The following NEGR1 variants were observed in gnomAD, a reference collection of about 807,000 sequenced individuals.
NEGR1 encodes neuronal growth regulator 1.
In NEGR1, 10 loss-of-function variants were observed where a neutral mutation model predicts 40.9. That is an observed-to-expected ratio of 0.24 (90% CI 0.15 to 0.42). The LOEUF (loss-of-function observed/expected upper bound fraction) is 0.42. Among genes scored for constraint, NEGR1 ranks in the 10% least tolerant of loss-of-function variants. NEGR1 has a pLI of 1.00. For synonymous variants in NEGR1, 185 were observed against 166.8 expected, an observed-to-expected ratio of 1.11 and a Z score of -0.84; for missense variants, 352 against 438.9, an observed-to-expected ratio of 0.80 and a Z score of 1.77.
At chr1:72,175,910 T>A (rs967397840) in intron 1 of NEGR1, among the ~76,000 whole-genome samples, 3 of 152,122 alleles carry the variant, frequency 2.0e-5, no homozygotes, top group African/African-American at 7.2e-5. Context: ...CTATTTTATG[T>A]CAGTGGTTTG....
intron 6 of NEGR1, among the ~76,000 whole-genome samples, chr1:71,560,108 T>C (rs1229202569): frequency 6.6e-6 from 1 of 150,586 alleles, no homozygotes; most frequent in Non-Finnish European, 1.5e-5. Context: ...ATGATGATGA[T>C]GATAACTATA....
chr1:71,854,029 G>A (rs1309650423), intron 2 of NEGR1, among the ~76,000 whole-genome samples: 2 of 152,038 alleles, frequency 1.3e-5, no homozygotes, highest in Non-Finnish European at 2.9e-5. Flanking sequence ...ATTCTTGTTT[G>A]TTGAGGATTT....
intron 3 of NEGR1, among the ~76,000 whole-genome samples, chr1:71,748,394 G>T (rs1377731337): frequency 6.6e-6 from 1 of 152,060 alleles, no homozygotes; most frequent in Non-Finnish European, 1.5e-5. Context: ...TGAATTCACT[G>T]AGTATATATA....
intron 3 of NEGR1, among the ~76,000 whole-genome samples, chr1:71,755,212 T>C (rs1655691926): frequency 6.6e-6 from 1 of 152,104 alleles, no homozygotes; most frequent in Non-Finnish European, 1.5e-5. Context: ...GCATTCCCCA[T>C]CTCCAATCTA....
In NEGR1 at chr1:72,058,433, T is replaced by A. The variant is rs534489642; in HGVS notation, c.177-123122A>T. Among the ~76,000 whole-genome samples the A allele has an allele frequency of 2.0e-5, 3 of 151,726 alleles. No homozygotes were observed. The South Asian group carries it at 6.2e-4, about 31-fold the overall frequency. ...TCAAAGGGTTCTATGAGGTTGTTGA[T>A]ATTCTGTTAGAGGTTTCTAAGAATT... On this transcript the variant is annotated intron_variant, in intron 1 of 6. Transcript: ENST00000357731.
At chr1:71,973,020 C>T (rs1646270909) in intron 1 of NEGR1, among the ~76,000 whole-genome samples, 2 of 151,918 alleles carry the variant, frequency 1.3e-5, no homozygotes. Context: ...TCAGAAATAC[C>T]GAAGTTTTAA....
chr1:71,734,148 A>G (rs1156995410), intron 3 of NEGR1, among the ~76,000 whole-genome samples: 1 of 152,184 alleles, frequency 6.6e-6, no homozygotes, highest in Non-Finnish European at 1.5e-5. Context: ...ATAAATAAGA[A>G]AAAGCATTTG....
intron 1 of NEGR1, among the ~76,000 whole-genome samples, chr1:72,196,659 A>ATTTGGGAGGCT (rs1557573489): frequency 9.3e-6 from 1 of 108,022 alleles, no homozygotes; most frequent in Non-Finnish European, 1.9e-5. Context: ...AATCCCAGTT[A>ATTTGGGAGGCT]CAAGTGATCA....
intron 1 of NEGR1, among the ~76,000 whole-genome samples, chr1:72,002,897 T>G (rs1646570165): frequency 6.6e-6 from 1 of 152,144 alleles, no homozygotes; most frequent in South Asian, 2.1e-4. Flanking sequence ...TGACTAAAAA[T>G]AATTGCCGCT....
intron 3 of NEGR1, among the ~76,000 whole-genome samples, chr1:71,722,109 G>C (rs1654528434): frequency 6.6e-6 from 1 of 152,062 alleles, no homozygotes; most frequent in African/African-American, 2.4e-5. Flanking sequence ...ATCTGGTTGT[G>C]CTTTTAGAAG....
intron 6 of NEGR1, among the ~76,000 whole-genome samples, chr1:71,451,125 C>T (rs1309529388): frequency 5.3e-5 from 8 of 152,192 alleles, no homozygotes; most frequent in African/African-American, 9.6e-5. Context: ...TGCCCCTCCC[C>T]GTCCCAGAGT....
At chr1:72,129,174 G>C (rs548428569) in intron 1 of NEGR1, among the ~76,000 whole-genome samples, 1 of 152,170 alleles carries the variant, frequency 6.6e-6, no homozygotes, top group South Asian at 2.1e-4. Context: ...TTATATATAT[G>C]CACATATATG....
intron 6 of NEGR1, among the ~76,000 whole-genome samples, chr1:71,580,473 A>T (rs947790071): frequency 8.6e-5 from 13 of 151,344 alleles, no homozygotes; most frequent in African/African-American, 1.9e-4. Flanking sequence ...TAATAAAAAT[A>T]AAAAAAAAGA....
chr1:72,197,336 G>T (rs1032745458), intron 1 of NEGR1, among the ~76,000 whole-genome samples: 5 of 151,942 alleles, frequency 3.3e-5, no homozygotes, highest in African/African-American at 9.7e-5. Context: ...CAGAATGGTT[G>T]CAAATATAGG....
intron 1 of NEGR1, among the ~76,000 whole-genome samples, chr1:72,113,645 G>C (rs975488089): frequency 9.9e-5 from 15 of 151,510 alleles, no homozygotes; most frequent in Admixed American, 2.0e-4. Flanking sequence ...TGAAGGATGG[G>C]TAAGGCTGAG....
At chr1:72,096,092 A>G (rs1648686295) in intron 1 of NEGR1, among the ~76,000 whole-genome samples, 1 of 152,072 alleles carries the variant, frequency 6.6e-6, no homozygotes, top group Middle Eastern at 3.2e-3. Context: ...CTGTGGACAC[A>G]TTTTTTTATA....
intron 4 of NEGR1, among the ~76,000 whole-genome samples, chr1:71,656,644 C>G (rs1651888332): frequency 6.6e-6 from 1 of 152,196 alleles, no homozygotes; most frequent in East Asian, 1.9e-4. Flanking sequence ...TCGTGATCCG[C>G]CCGCCTCGGC....
In NEGR1 at chr1:71,625,293, GAC is replaced by G. The variant is rs145210964; in HGVS notation, c.668-14149_668-14148del. On this transcript the variant is annotated intron_variant, in intron 4 of 6. Transcript: ENST00000357731. ...CTTTATACTTACATGAATACACACA[GAC>G]ACACACACACACACACACAATTGAC... Among the ~76,000 whole-genome samples the G allele has an allele frequency of 5.8e-4, 86 of 147,768 alleles. 2 individuals carry two copies. In the South Asian group the frequency reaches 0.015, roughly 25 times the overall value.
At chr1:71,500,227 G>A (rs1478577989) in intron 6 of NEGR1, among the ~76,000 whole-genome samples, 2 of 151,762 alleles carry the variant, frequency 1.3e-5, no homozygotes, top group African/African-American at 4.8e-5. Context: ...TGACTGCTTG[G>A]TTTAAATAAG....
Sources: gnomAD v4.1 joint callset for allele counts (sites outside exome capture counted in the v4.1 genomes callset) on GRCh38, gnomAD v4.1.1 for gene constraint, MANE v1.5 for transcripts, NCBI Gene and HGNC (gene_info 2026-07-23, HGNC 2026-07-21) for gene names.